CACNA2D2: variants seen among roughly 807,000 people sequenced by gnomAD.
CACNA2D2 encodes voltage-dependent calcium channel subunit alpha-2/delta-2.
A neutral mutation model predicts 166.4 loss-of-function variants in CACNA2D2; 48 were observed. The ratio of observed to expected loss-of-function variants is 0.29; its 90% CI spans 0.23 to 0.37. The LOEUF is 0.37. Ranked by LOEUF, CACNA2D2 falls within the 10% of genes least tolerant of loss-of-function variation. The pLI is 1.00. For missense variants in CACNA2D2, 1,122 were observed against 1,433.0 expected (o/e 0.78, Z 3.50); for synonymous variants, 561 against 573.7 (o/e 0.98, Z 0.32).
chr3:50,443,189 G>A (rs1284398571), intron 2 of CACNA2D2, among the ~76,000 whole-genome samples: 1 of 152,214 alleles, frequency 6.6e-6, no homozygotes, highest in Non-Finnish European at 1.5e-5. Flanking sequence ...GTCGCCGGGT[G>A]CGGCCGGCTG....
chr3:50,421,654 C>G (rs886443862), intron 3 of CACNA2D2, among the ~76,000 whole-genome samples: 3 of 152,120 alleles, frequency 2.0e-5, no homozygotes, highest in African/African-American at 7.2e-5. Flanking sequence ...GGAAGATGAT[C>G]TGGGACTCTG....
intron 2 of CACNA2D2, among the ~76,000 whole-genome samples, chr3:50,435,941 C>G (rs1378676231): frequency 6.6e-6 from 1 of 152,174 alleles, no homozygotes; most frequent in Non-Finnish European, 1.5e-5. Flanking sequence ...GTTCCCTGGG[C>G]CCCTGGGCCC....
chr3:50,491,971 T>C (rs938576224), intron 1 of CACNA2D2, among the ~76,000 whole-genome samples: 2 of 152,202 alleles, frequency 1.3e-5, no homozygotes, highest in African/African-American at 4.8e-5. Context: ...TGGGAAGGGC[T>C]AGGTTCCTGG....
chr3:50,454,371 C>A (rs1709253385), intron 2 of CACNA2D2, among the ~76,000 whole-genome samples: 1 of 152,176 alleles, frequency 6.6e-6, no homozygotes, highest in Non-Finnish European at 1.5e-5. Context: ...AGGACGCGCA[C>A]CCTCCCTGGC....
rs1575620553 is a variant in CACNA2D2 at position 50,393,489 on chromosome 3, A to T, written c.465+620T>A. Among the ~76,000 whole-genome samples, 4 of 152,316 alleles carry T rather than the reference A, an allele frequency of 2.6e-5. No homozygotes were observed. The East Asian group carries it at 7.7e-4, about 29-fold the overall frequency. ...ACACAGCAAGGAATTGGTGAGGGCAACTCAGGCCTAGGCTGGGATGGGTGA... is the reference window on the plus strand; with the variant it reads ...ACACAGCAAGGAATTGGTGAGGGCATCTCAGGCCTAGGCTGGGATGGGTGA... On this transcript the variant is annotated intron_variant, in intron 4 of 37. Coordinates refer to ENST00000424201, the MANE Select transcript of CACNA2D2 (RefSeq NM_006030.4).
In CACNA2D2 at chr3:50,366,610, G is replaced by A. The variant is rs748986020; in HGVS notation, c.2605C>T (p.His869Tyr). 2 of 1,613,962 alleles carry A rather than the reference G, an allele frequency of 1.2e-6. No individual in the cohort carries two copies. Among genetic ancestry groups the A allele is most frequent in the Non-Finnish European group, 8.5e-7 (1 of 1,180,008 alleles). ...TTAACCTCGCAGTCCATCTCACAGT[G>A]GCTGTTGGGGCCGCACTGCTGGGCA... Reference protein sequence around the residue: ...DQPQKCGPNSHCEMDCEVNNE... With the variant: ...DQPQKCGPNSYCEMDCEVNNE... Residue 869 changes from histidine to tyrosine, a missense_variant, in exon 30 of 38, where the codon CAC (histidine) becomes TAC (tyrosine). By Grantham distance (83) the His-to-Tyr change is moderately conservative (BLOSUM62 2). Transcript: ENST00000424201. This position sits in a 1 kb window ranked among gnomAD's most constrained non-coding sequence, Gnocchi z 5.9.
chr3:50,407,657 A>C (rs1178505267), intron 3 of CACNA2D2, among the ~76,000 whole-genome samples: 1 of 152,214 alleles, frequency 6.6e-6, no homozygotes, highest in East Asian at 1.9e-4. Flanking sequence ...CCTCCTCCCT[A>C]ACACGGGGCT....
chr3:50,372,806 G>A (rs959356305), intron 22 of CACNA2D2, among the ~76,000 whole-genome samples: 4 of 152,122 alleles, frequency 2.6e-5, no homozygotes, highest in Non-Finnish European at 5.9e-5. Flanking sequence ...GAGAGAGTGA[G>A]GGGTCCAAGG....
At chr3:50,397,358 G>A (rs1288623039) in intron 3 of CACNA2D2, among the ~76,000 whole-genome samples, 1 of 152,206 alleles carries the variant, frequency 6.6e-6, no homozygotes, top group Admixed American at 6.5e-5. Flanking sequence ...AGGCAGGCCC[G>A]GTGGTGGGGG....
intron 3 of CACNA2D2, among the ~76,000 whole-genome samples, chr3:50,413,924 C>T (rs1707150544): frequency 6.6e-6 from 1 of 151,928 alleles, no homozygotes; most frequent in Non-Finnish European, 1.5e-5. Flanking sequence ...CCCATTTCCC[C>T]CATGAAACCC....
In CACNA2D2 at chr3:50,379,182, G is replaced by C. The variant is rs1413955767; in HGVS notation, c.1170C>G (p.Ala390=). Residue 390 remains alanine, a synonymous_variant, in exon 12 of 38, where the codon GCC becomes GCG. Coordinates refer to ENST00000424201, the MANE Select transcript of CACNA2D2 (RefSeq NM_006030.4). The surrounding 1 kb of genome is among the most constrained non-coding windows in gnomAD (Gnocchi z 6.5). ...ACATCATGATCATCTTGTTGCAGTT[G>C]GCCCGAGTGATGTTGGACTGAGGGG... ...DQLQNSNITR[A]NCNKMIMMFT... is the part of the protein sequence containing the mutation. The C allele has an allele frequency of 1.2e-6, 2 of 1,613,868 alleles. No homozygotes were observed. Among genetic ancestry groups the C allele is most frequent in the African/African-American group, 2.7e-5 (2 of 75,048 alleles).
At chr3:50,434,494 C>A in intron 2 of CACNA2D2, 65 bp from the exon 3 acceptor site, 2 of 1,135,998 alleles carry the variant, frequency 1.8e-6, no homozygotes, top group Non-Finnish European at 2.7e-6. Context: ...ATGGGCCCTG[C>A]ATACCCCTCT....
Position 50,379,755 on chromosome 3 carries a change from C to T in CACNA2D2, c.963G>A (p.Leu321=), listed in dbSNP as rs1705205244. ...CCACATTCACATAGTCATCATCAGA[C>T]AGCGTGTCCAGCATCTCGCAGACAG... ...KTSVCEMLDT[L]SDDDYVNVAS... is the part of the protein sequence containing the mutation. Residue 321 remains leucine, a synonymous_variant, in exon 10 of 38, where the codon CTG becomes CTA. Coordinates refer to ENST00000424201, the MANE Select transcript of CACNA2D2 (RefSeq NM_006030.4). The surrounding 1 kb of genome is among the most constrained non-coding windows in gnomAD (Gnocchi z 6.5). The T allele has an allele frequency of 1.2e-6, 2 of 1,613,970 alleles. No individual in the cohort carries two copies. Among genetic ancestry groups the T allele is most frequent in the Non-Finnish European group, 1.7e-6 (2 of 1,180,042 alleles).
intron 3 of CACNA2D2, among the ~76,000 whole-genome samples, chr3:50,414,113 G>A (rs1400772095): frequency 6.6e-6 from 1 of 152,090 alleles, no homozygotes; most frequent in Non-Finnish European, 1.5e-5. Flanking sequence ...ATACCTCTGA[G>A]GCCCATGCAG....
chr3:50,401,084 A>G (rs1706425741), intron 3 of CACNA2D2, among the ~76,000 whole-genome samples: 1 of 152,208 alleles, frequency 6.6e-6, no homozygotes, highest in Non-Finnish European at 1.5e-5. Flanking sequence ...CCAGACCACA[A>G]TTCCAGCAAA....
At chr3:50,456,827 A>G (rs1453506907) in intron 2 of CACNA2D2, among the ~76,000 whole-genome samples, 2 of 152,218 alleles carry the variant, frequency 1.3e-5, no homozygotes, top group African/African-American at 4.8e-5. Context: ...GAAAGGTCAG[A>G]GGAGGCAGAG....
intron 3 of CACNA2D2, among the ~76,000 whole-genome samples, chr3:50,395,210 T>C (rs1706089813): frequency 6.6e-6 from 1 of 152,160 alleles, no homozygotes; most frequent in African/African-American, 2.4e-5. Context: ...GGCCAGTGAC[T>C]CATGTGCTGT....
intron 3 of CACNA2D2, among the ~76,000 whole-genome samples, chr3:50,415,261 A>G (rs1403929127): frequency 1.3e-5 from 2 of 152,326 alleles, no homozygotes; most frequent in Middle Eastern, 3.4e-3. Context: ...TGGGTCTGCA[A>G]TTCCACTTTT....
chr3:50,373,884 A>G (rs1185872394), intron 22 of CACNA2D2, among the ~76,000 whole-genome samples: 10 of 69,206 alleles, frequency 1.4e-4, no homozygotes, highest in African/African-American at 6.1e-4. Context: ...AGAGAGAGAG[A>G]GAGGCACCAT....
Sources: gnomAD v4.1 joint callset for allele counts (sites outside exome capture counted in the v4.1 genomes callset) on GRCh38, gnomAD v4.1.1 for gene constraint, Gnocchi (gnomAD v3.1) non-coding constraint, MANE v1.5 for transcripts, NCBI Gene and HGNC (gene_info 2026-07-23, HGNC 2026-07-21) for gene names.